Variants in DOCK6 observed in about 807,000 individuals in gnomAD.
DOCK6 encodes the protein dedicator of cytokinesis protein 6.
In DOCK6, 167 loss-of-function variants were observed where a neutral mutation model predicts 230.3. The observed-to-expected ratio is 0.73, with a 90% CI of 0.64 to 0.82. The LOEUF (loss-of-function observed/expected upper bound fraction) is 0.82. Ranked by LOEUF, DOCK6 falls within the 40% of genes least tolerant of loss-of-function variation. DOCK6 has a pLI of 0.00. For missense variants in DOCK6, 2,598 were observed against 2,825.8 expected, an observed-to-expected ratio of 0.92 and a Z score of 1.83; for synonymous variants, 1,148 against 1,185.0, an observed-to-expected ratio of 0.97 and a Z score of 0.64.
At chr19:11,261,233 C>T (rs1030493554) in intron 1 of DOCK6, among the ~76,000 whole-genome samples, 10 of 152,050 alleles carry the variant, frequency 6.6e-5, no homozygotes, top group Non-Finnish European at 1.3e-4. Flanking sequence ...CACTCTTTCC[C>T]CCCACAAACT....
chr19:11,201,165 G>A lies in DOCK6; in HGVS notation c.5689-113C>T. On this transcript the variant is annotated intron_variant, in intron 44 of 47. Coordinates refer to ENST00000294618, the MANE Select transcript of DOCK6 (RefSeq NM_020812.4). This position sits in a 1 kb window ranked among gnomAD's most constrained non-coding sequence, Gnocchi z 4.3. ...GAGTGAGAGGGGTCCAAGAACCCAG[G>A]CAATGAACAGAATCTGGGGGCCTTC... is the stretch of plus-strand genomic sequence containing the variant. 7.4e-7 allele frequency: 1 copy of A among 1,347,728 alleles called. No individual in the cohort carries two copies. The highest frequency in any genetic ancestry group is 1.3e-5 in the South Asian group (1 of 77,110). 83.5% of individuals were successfully genotyped at this position (1,347,728 alleles called of 1,614,324 possible).
chr19:11,241,220 G>A (rs1468897697), intron 14 of DOCK6, among the ~76,000 whole-genome samples: 3 of 151,328 alleles, frequency 2.0e-5, no homozygotes, highest in African/African-American at 7.3e-5. Context: ...CACTCAGCCT[G>A]GGTGACAGAG....
chr19:11,226,161 CCAT>C (rs2079660860), intron 24 of DOCK6, among the ~76,000 whole-genome samples: 1 of 152,180 alleles, frequency 6.6e-6, no homozygotes, highest in South Asian at 2.1e-4. Context: ...CTCTGCTCCA[CCAT>C]AAGCCCCACT....
chr19:11,259,436 GA>G (rs772402226), intron 1 of DOCK6, among the ~76,000 whole-genome samples: 40 of 109,702 alleles, frequency 3.6e-4, no homozygotes, highest in Admixed American at 8.5e-4. Flanking sequence ...AAGGATGGGG[GA>G]GAGAGAGAGA....
rs1270703319 is a variant in DOCK6 at position 11,237,726 on chromosome 19, T to C, written c.1886A>G (p.Glu629Gly). 1.0e-5 allele frequency: 16 copies of C among 1,583,288 alleles called. No individual in the cohort carries two copies. The highest frequency in any genetic ancestry group is 1.2e-5 in the Non-Finnish European group (14 of 1,165,416). ...GAAGGTGAACAGCAGGTGATGGTTCTCTGTCACGCAGGCTGGAAGATGCAG... is the reference window on the plus strand; with the variant it reads ...GAAGGTGAACAGCAGGTGATGGTTCCCTGTCACGCAGGCTGGAAGATGCAG... ...FKLHLPACVTENHHLLFTFYH... is the reference protein window; with the variant it reads ...FKLHLPACVTGNHHLLFTFYH... Residue 629 changes from glutamate to glycine, a missense_variant, in exon 17 of 48, where the codon GAG becomes GGG. Physicochemically the swap from Glu to Gly is moderately conservative, Grantham distance 98. Coordinates refer to ENST00000294618, the MANE Select transcript of DOCK6 (RefSeq NM_020812.4).
At chr19:11,212,787 A>C (rs972772175) in intron 35 of DOCK6, among the ~76,000 whole-genome samples, 1 of 149,044 alleles carries the variant, frequency 6.7e-6, no homozygotes, top group Non-Finnish European at 1.5e-5. Context: ...CTGGTCTCGA[A>C]CTCCTGACTT....
At chr19:11,242,009 C>A (rs1316155144) in intron 14 of DOCK6, 36 bp downstream of exon 14, 1 of 1,547,366 alleles carries the variant, frequency 6.5e-7, no homozygotes, top group South Asian at 1.2e-5. Flanking sequence ...TGAATACCTC[C>A]CATTCAAGTG....
chr19:11,228,497 TGG>T (rs539955382), intron 23 of DOCK6, among the ~76,000 whole-genome samples: 1 of 147,020 alleles, frequency 6.8e-6, no homozygotes, highest in East Asian at 2.0e-4. Context: ...CCCTAGGTTG[TGG>T]GGGGGGGTCT....
At position 11,262,403 on chromosome 19, in the gene DOCK6, A is replaced by C; in HGVS notation, c.38T>G (p.Ile13Ser). The C allele has an allele frequency of 7.8e-7, 1 of 1,280,306 alleles. No homozygotes were observed. The highest frequency in any genetic ancestry group is 9.9e-7 in the Non-Finnish European group (1 of 1,012,512). The allele number at this position is 1,280,306 out of a possible 1,614,324, so 79.3% of individuals were successfully genotyped here. A position where few individuals can be genotyped will look rare whatever the true frequency, so the allele number is the denominator to read the frequency against. The change falls in exon 1 of 48, where the codon ATC becomes AGC. Residue 13 changes from isoleucine to serine, a missense_variant. Coordinates refer to ENST00000294618, the MANE Select transcript of DOCK6 (RefSeq NM_020812.4). ...GGCCCCGCGGCCACACTACCTGTTG[A>C]TCTTGTGCGCGAAGGCGCGGCGCTC... ...ASERRAFAHK[I>S]NRTVAAEVRK... is the part of the protein sequence containing the mutation.
chr19:11,237,669 G>A lies in DOCK6; in HGVS notation c.1943C>T (p.Thr648Ile), dbSNP rs1285140383. The A allele has an allele frequency of 6.3e-7, 1 of 1,597,850 alleles. No individual in the cohort carries two copies. Among genetic ancestry groups the A allele is most frequent in the Non-Finnish European group, 8.5e-7 (1 of 1,172,990 alleles). The part of the protein sequence containing the change: ...YHVSCQPRPG[T>I]ALETPVGFTW... ...AAAGCCCACGGGTGTCTCCAGGGCAGTGCCCGGCCGGGGCTGGCAGCTGAC... is the reference window on the plus strand; with the variant it reads ...AAAGCCCACGGGTGTCTCCAGGGCAATGCCCGGCCGGGGCTGGCAGCTGAC... Residue 648 changes from threonine to isoleucine, a missense_variant, in exon 17 of 48, where the codon ACT (threonine) becomes ATT (isoleucine). Transcript: ENST00000294618.
intron 14 of DOCK6, chr19:11,241,819 G>C: frequency 4.1e-6 from 6 of 1,449,280 alleles, no homozygotes; most frequent in Non-Finnish European, 5.7e-6. Context: ...TCTGAGCACA[G>C]AGCAGAGACA....
At chr19:11,253,274 C>A (rs562949590) in intron 2 of DOCK6, among the ~76,000 whole-genome samples, 10 of 152,216 alleles carry the variant, frequency 6.6e-5, no homozygotes, top group South Asian at 6.2e-4. Flanking sequence ...CCTAAAGCCT[C>A]CGCAACCCTG....
Position 11,243,467 on chromosome 19 carries a change from G to C in DOCK6, c.1259-82C>G. 6.4e-7 allele frequency: 1 copy of C among 1,551,576 alleles called. No individual in the cohort carries two copies. The highest frequency in any genetic ancestry group is 1.2e-5 in the South Asian group (1 of 84,416). On this transcript the variant is annotated intron_variant, in intron 11 of 47. Coordinates refer to ENST00000294618, the MANE Select transcript of DOCK6 (RefSeq NM_020812.4). The surrounding 1 kb of genome is among the most constrained non-coding windows in gnomAD (Gnocchi z 6.3). ...GGGGCGGCACAGTTCGGCCAGCAGA[G>C]GGCGCACCCCCTCGCCCCGTAGCCC...
At chr19:11,211,734 G>A (rs2079389597) in intron 37 of DOCK6, 42 bp downstream of exon 37, 1 of 1,453,524 alleles carries the variant, frequency 6.9e-7, no homozygotes, top group East Asian at 2.5e-5. Context: ...TGCACCTGTT[G>A]GGGCGTGGGC....
At chr19:11,229,119 G>T in intron 22 of DOCK6, 84 bp from the exon 23 acceptor site, 1 of 1,406,692 alleles carries the variant, frequency 7.1e-7, no homozygotes, top group Non-Finnish European at 9.8e-7. Context: ...GGAAGATGCA[G>T]CTGGAGGGCT....
intron 22 of DOCK6, chr19:11,232,047 G>T: frequency 2.0e-6 from 1 of 499,232 alleles, no homozygotes; most frequent in Non-Finnish European, 3.2e-6. Context: ...AGACTTCACA[G>T]CCCCAAACAA....
chr19:11,214,540 G>C lies in DOCK6; in HGVS notation c.4203+13C>G. On this transcript the variant is annotated intron_variant, in intron 33 of 47. Transcript: ENST00000294618. ...GGCTCAGAGCACAAGGCAGATGCTGGATCAAGCCCTACCTGCACGATGATC... is the reference window on the plus strand; with the variant it reads ...GGCTCAGAGCACAAGGCAGATGCTGCATCAAGCCCTACCTGCACGATGATC... 1 of 1,613,862 alleles carries C rather than the reference G, an allele frequency of 6.2e-7. No homozygotes were observed. The highest frequency in any genetic ancestry group is 1.1e-5 in the South Asian group (1 of 91,074).
At chr19:11,203,927 G>A (rs982522465) in intron 41 of DOCK6, 154 bp downstream of exon 41, 2 of 1,000,828 alleles carry the variant, frequency 2.0e-6, no homozygotes, top group Non-Finnish European at 2.9e-6. Flanking sequence ...GGGGAAGGGA[G>A]GGAAATAATG....
chr19:11,252,032 G>T, intron 5 of DOCK6, 87 bp downstream of exon 5: 2 of 1,542,164 alleles, frequency 1.3e-6, no homozygotes, highest in Non-Finnish European at 1.8e-6. Flanking sequence ...AGGCTGTTTG[G>T]GTCATTTCCT....
Sources: gnomAD v4.1 joint callset for allele counts (sites outside exome capture counted in the v4.1 genomes callset) on GRCh38, gnomAD v4.1.1 for gene constraint, Gnocchi (gnomAD v3.1) non-coding constraint, MANE v1.5 for transcripts, NCBI Gene and HGNC (gene_info 2026-07-23, HGNC 2026-07-21) for gene names.